The following PPP6R2 variants were observed in gnomAD, a reference collection of about 807,000 sequenced individuals.
The protein encoded by PPP6R2 is serine/threonine-protein phosphatase 6 regulatory subunit 2.
In PPP6R2, 62 loss-of-function variants were observed where a neutral mutation model predicts 100.2. The observed-to-expected ratio is 0.62, with a 90% CI of 0.50 to 0.76. The LOEUF (loss-of-function observed/expected upper bound fraction) is 0.76, where lower values mean the gene tolerates loss of function less well. PPP6R2 is among the 30% of genes least tolerant of loss of function. PPP6R2 has a pLI of 0.00. For synonymous variants in PPP6R2, 525 were observed against 514.7 expected (o/e 1.02, Z -0.27); for missense variants, 1,142 against 1,276.3 (o/e 0.89, Z 1.60).
At chr22:50,438,547 T>G in intron 18 of PPP6R2, 52 bp from the exon 19 acceptor site, 1 of 1,592,128 alleles carries the variant, frequency 6.3e-7, no homozygotes, top group Non-Finnish European at 8.6e-7. Context: ...TGACCCTCCA[T>G]GTTAGGCGTC....
chr22:50,442,552 T>TTTTGTTTGTTTG (rs36157989), intron 22 of PPP6R2, among the ~76,000 whole-genome samples: 1 of 151,090 alleles, frequency 6.6e-6, no homozygotes, highest in African/African-American at 2.4e-5. Flanking sequence ...TCACTGAAAT[T>TTTTGTTTGTTTG]TTTGTTTGTT....
upstream of PPP6R2, among the ~76,000 whole-genome samples, chr22:50,342,256 G>A (rs983811251): frequency 2.6e-5 from 4 of 152,256 alleles, no homozygotes; most frequent in African/African-American, 9.6e-5. Context: ...GTGAGGCTGA[G>A]GCTTTTTCAC....
intron 1 of PPP6R2, among the ~76,000 whole-genome samples, chr22:50,349,196 A>C (rs2044424906): frequency 1.1e-5 from 1 of 92,848 alleles, no homozygotes; most frequent in African/African-American, 3.8e-5. Flanking sequence ...ACTTCCTCTC[A>C]AAAAAAAAAA....
chr22:50,368,603 ATATTT>A (rs1271986255), intron 1 of PPP6R2, among the ~76,000 whole-genome samples: 2 of 152,176 alleles, frequency 1.3e-5, no homozygotes, highest in African/African-American at 2.4e-5. Context: ...CTTACTTTAT[ATATTT>A]TATTTATTAT....
chr22:50,411,251 T>G (rs2059698247), intron 4 of PPP6R2, among the ~76,000 whole-genome samples: 1 of 152,032 alleles, frequency 6.6e-6, no homozygotes, highest in Non-Finnish European at 1.5e-5. Context: ...CCCATGAGTT[T>G]GAGAGCAGCC....
intron 1 of PPP6R2, among the ~76,000 whole-genome samples, chr22:50,349,687 C>T (rs1354880269): frequency 1.3e-5 from 2 of 150,866 alleles, no homozygotes; most frequent in Admixed American, 1.3e-4. Context: ...ATTAGCCAGG[C>T]GTGGTGGCAT....
chr22:50,387,416 C>T (rs559395933), intron 2 of PPP6R2, among the ~76,000 whole-genome samples: 320 of 152,260 alleles, frequency 2.1e-3, no homozygotes, highest in African/African-American at 7.5e-3. Flanking sequence ...CCACTCCACC[C>T]CCTTTTTAAA....
At chr22:50,437,150 T>A in intron 15 of PPP6R2, 82 bp downstream of exon 15, 2 of 1,293,498 alleles carry the variant, frequency 1.5e-6, no homozygotes, top group Non-Finnish European at 2.2e-6. Flanking sequence ...CAGACGAGTC[T>A]GATGGCATCT....
Position 50,423,468 on chromosome 22 carries a change from G to A in PPP6R2, c.979G>A (p.Ala327Thr). The A allele has an allele frequency of 6.2e-7, 1 of 1,614,208 alleles. No homozygotes were observed. The highest frequency in any genetic ancestry group is 8.5e-7 in the Non-Finnish European group (1 of 1,180,036). ...QLLLNPPKKK[A>T]ILTTIGVLEE... ...GTGCCTTCTGTGTTTGCAGAAGAAAGCGATCCTGACCACCATTGGTGTGCT... is the reference window on the plus strand; with the variant it reads ...GTGCCTTCTGTGTTTGCAGAAGAAAACGATCCTGACCACCATTGGTGTGCT... Residue 327 changes from alanine (A) to threonine (T), a missense_variant, in exon 10 of 24, where the codon GCG (alanine) becomes ACG (threonine). By Grantham distance (58) the Ala-to-Thr change is moderately conservative. Coordinates refer to ENST00000612753, the MANE Select transcript of PPP6R2 (RefSeq NM_001242898.2). The surrounding 1 kb of genome is among the most constrained non-coding windows in gnomAD (Gnocchi z 4.8).
intron 3 of PPP6R2, 59 bp downstream of exon 3, chr22:50,394,194 G>A: frequency 6.3e-7 from 1 of 1,595,542 alleles, no homozygotes; most frequent in South Asian, 1.1e-5. Context: ...CAGGCCGCAG[G>A]CAGTGTCTGA....
At chr22:50,402,072 A>G (rs191353300) in intron 3 of PPP6R2, among the ~76,000 whole-genome samples, 1 of 152,152 alleles carries the variant, frequency 6.6e-6, no homozygotes, top group East Asian at 1.9e-4. Flanking sequence ...TCTGTTCTCT[A>G]CACTTGCTCT....
Position 50,378,432 on chromosome 22 carries a change from C to T in PPP6R2, c.-17+6282C>T, listed in dbSNP as rs1380319347. On this transcript the variant is annotated intron_variant, in intron 2 of 23. Coordinates refer to ENST00000612753, the MANE Select transcript of PPP6R2 (RefSeq NM_001242898.2). The stretch of plus-strand genomic sequence containing the variant: ...AGAAACCCCATCTCTACTAAAAATA[C>T]AAAATTAGCCAGACGTGGTGGTGCA... 3.3e-5 allele frequency among the ~76,000 whole-genome samples: 5 copies of T among 151,810 alleles called. No individual in the cohort carries two copies. In the East Asian group the frequency reaches 9.7e-4, roughly 29 times the overall value.
chr22:50,373,366 C>T (rs112521601), intron 2 of PPP6R2, among the ~76,000 whole-genome samples: 1 of 150,428 alleles, frequency 6.6e-6, no homozygotes, highest in Non-Finnish European at 1.5e-5. Flanking sequence ...CTCAGCCTCC[C>T]GAGTAGCTGG....
chr22:50,406,875 G>A lies in PPP6R2; in HGVS notation c.414G>A (p.Gln138=). 1 of 1,612,776 alleles carries A rather than the reference G, an allele frequency of 6.2e-7. No individual in the cohort carries two copies. Among genetic ancestry groups the A allele is most frequent in the Non-Finnish European group, 8.5e-7 (1 of 1,178,802 alleles). The change falls in exon 4 of 24, where the codon CAG becomes CAA. Residue 138 remains glutamine, a splice_region_variant and synonymous_variant. Transcript: ENST00000612753. ...ATCTCATTGCAAGAAAAACCGAACAGGTAAATCACGTGCAAAGCCTCCGTG... is the reference window on the plus strand; with the variant it reads ...ATCTCATTGCAAGAAAAACCGAACAAGTAAATCACGTGCAAAGCCTCCGTG... The part of the protein sequence containing the change: ...IGNLIARKTE[Q]VITFLKKKDK...
chr22:50,428,411 A>G lies in PPP6R2; in HGVS notation c.1126-2762A>G, dbSNP rs141417722. ...TTATCTGGAATATTTAGAATTTTCTATGTGTAAGATCATATCAGGTCAGGT... is the reference window on the plus strand; with the variant it reads ...TTATCTGGAATATTTAGAATTTTCTGTGTGTAAGATCATATCAGGTCAGGT... On this transcript the variant is annotated intron_variant, in intron 10 of 23. Coordinates refer to ENST00000612753, the MANE Select transcript of PPP6R2 (RefSeq NM_001242898.2). Among the ~76,000 whole-genome samples the G allele has an allele frequency of 1.8e-4, 27 of 152,084 alleles. No homozygotes were observed. In the East Asian group the frequency reaches 5.2e-3, roughly 30 times the overall value.
chr22:50,426,848 A>AT (rs1369630818), intron 10 of PPP6R2, among the ~76,000 whole-genome samples: 1 of 149,378 alleles, frequency 6.7e-6, no homozygotes, highest in Non-Finnish European at 1.5e-5. Context: ...AAAAAAAAAA[A>AT]AAACACCGTC....
Position 50,434,502 on chromosome 22 carries a change from C to T in PPP6R2, c.1401-464C>T, listed in dbSNP as rs1230615735. Among the ~76,000 whole-genome samples the T allele has an allele frequency of 7.0e-5, 5 of 71,614 alleles. 2 individuals are homozygous for T. The highest frequency in any genetic ancestry group is 3.4e-4 in the African/African-American group (5 of 14,540). 47.0% of individuals were successfully genotyped at this position (71,614 alleles called of 152,430 possible). On this transcript the variant is annotated intron_variant, in intron 12 of 23. Transcript: ENST00000612753. ...ATGCTGGGCAGGGGCCGGGCATTTG[C>T]CCTGGAGGTGAACCTGGAGGAGGGC...
chr22:50,441,213 G>A (rs1002890022), intron 22 of PPP6R2, 187 bp downstream of exon 22: 1 of 591,962 alleles, frequency 1.7e-6, no homozygotes, highest in Admixed American at 3.0e-5. Flanking sequence ...ACGCGTTTAC[G>A]TGGAGGCCAG....
intron 1 of PPP6R2, among the ~76,000 whole-genome samples, chr22:50,364,771 A>G (rs986439546): frequency 1.3e-5 from 2 of 152,228 alleles, no homozygotes; most frequent in African/African-American, 4.8e-5. Context: ...GCATATTTAG[A>G]TAGTTTTGGT....
Sources: allele counts gnomAD v4.1 joint callset (sites outside exome capture counted in the v4.1 genomes callset), GRCh38; gene constraint gnomAD v4.1.1; non-coding constraint Gnocchi (gnomAD v3.1); transcripts MANE v1.5; gene names NCBI Gene and HGNC (gene_info 2026-07-23, HGNC 2026-07-21).